EDRF1: variants seen among roughly 807,000 people sequenced by gnomAD.
EDRF1 encodes the protein erythroid differentiation regulatory factor 1, also known as erythroid differentiation-related factor 1.
A neutral mutation model predicts 148.7 loss-of-function variants in EDRF1; 69 were observed. That is an observed-to-expected ratio of 0.46 (90% CI 0.38 to 0.57). The LOEUF is 0.57. Ranked by LOEUF, EDRF1 falls within the 20% of genes least tolerant of loss-of-function variation. The pLI is 0.00. For missense variants in EDRF1, 1,118 were observed against 1,478.7 expected (o/e 0.76, Z 4.00); for synonymous variants, 515 against 532.8 (o/e 0.97, Z 0.46).
At chr10:125,740,121 C>T (rs570679491) in intron 15 of EDRF1, among the ~76,000 whole-genome samples, 10 of 152,266 alleles carry the variant, frequency 6.6e-5, no homozygotes, top group African/African-American at 2.2e-4. Flanking sequence ...CAGGCTTTCA[C>T]GCTGATCTAA....
In EDRF1 at chr10:125,747,692, C is replaced by T; in HGVS notation, c.2971C>T (p.Gln991Ter). The change falls in exon 20 of 25, where the codon CAG becomes TAG. Residue 991 changes from glutamine (Q) to a stop codon, truncating the protein, a stop_gained and splice_region_variant. Coordinates refer to ENST00000356792, the MANE Select transcript of EDRF1 (RefSeq NM_001202438.2). LOFTEE classifies it high-confidence loss of function. ...YAPLSRKAQEQIEKEVSEAMM... is the reference protein window; with the variant it reads ...YAPLSRKAQE ...TCCGTTATCTAGAAAAGCTCAGGAG[C>T]AGGTGATAATATTTGCTGGAGTATA... 6.2e-7 allele frequency: 1 copy of T among 1,614,160 alleles called. No individual in the cohort carries two copies. The highest frequency in any genetic ancestry group is 8.5e-7 in the Non-Finnish European group (1 of 1,180,012).
intron 6 of EDRF1, among the ~76,000 whole-genome samples, chr10:125,728,378 A>G (rs1848357499): frequency 6.6e-6 from 1 of 152,174 alleles, no homozygotes; most frequent in East Asian, 1.9e-4. Context: ...AGTACCTGGT[A>G]AACGTCATCT....
intron 24 of EDRF1, among the ~76,000 whole-genome samples, chr10:125,762,934 G>A (rs2133774901): frequency 6.6e-6 from 1 of 152,092 alleles, no homozygotes; most frequent in East Asian, 1.9e-4. Context: ...GTTTACTATG[G>A]TTTCCCCCAG....
At chr10:125,745,363 T>C in intron 18 of EDRF1, 1 of 318,880 alleles carries the variant, frequency 3.1e-6, no homozygotes, top group Non-Finnish European at 6.0e-6. Flanking sequence ...TCTCTGTGCA[T>C]AGCCCTGGAG....
At position 125,724,033 on chromosome 10, in the gene EDRF1, TTGAG is replaced by T; in HGVS notation, c.510+99_510+102del. On this transcript the variant is annotated intron_variant, in intron 4 of 24. Coordinates refer to ENST00000356792, the MANE Select transcript of EDRF1 (RefSeq NM_001202438.2). ...GAGAATGGCCAAAGTGGAAATGTAG[TTGAG>T]TACTTCAACAATCGAGAAATTGAAA... 3 of 1,399,268 alleles carry T rather than the reference TTGAG, an allele frequency of 2.1e-6. No homozygotes were observed. The South Asian group carries it at 3.6e-5, about 17-fold the overall frequency. 86.7% of individuals were successfully genotyped at this position (1,399,268 alleles called of 1,614,324 possible). A position where few individuals can be genotyped will look rare whatever the true frequency, so the allele number is the denominator to read the frequency against.
intron 6 of EDRF1, among the ~76,000 whole-genome samples, chr10:125,727,525 C>A (rs1376557263): frequency 1.3e-5 from 2 of 152,194 alleles, no homozygotes; most frequent in Admixed American, 6.5e-5. Context: ...AACTGCCTGG[C>A]AAACTGTTTT....
chr10:125,738,516 T>TA (rs2133710940), intron 15 of EDRF1, 71 bp downstream of exon 15: 1 of 1,575,398 alleles, frequency 6.3e-7, no homozygotes, highest in East Asian at 2.2e-5. Context: ...ACAGCAGACT[T>TA]ATGTCAATTA....
intron 13 of EDRF1, among the ~76,000 whole-genome samples, chr10:125,736,266 A>G (rs1848725791): frequency 6.6e-6 from 1 of 152,160 alleles, no homozygotes; most frequent in African/African-American, 2.4e-5. Context: ...AACATAGAGT[A>G]GAGAAGGGGG....
intron 19 of EDRF1, chr10:125,747,326 C>A: frequency 1.7e-6 from 1 of 603,964 alleles, no homozygotes. Flanking sequence ...GATGGGAACA[C>A]AGAGTGGTCT....
chr10:125,758,965 C>T (rs1389125917), intron 24 of EDRF1, among the ~76,000 whole-genome samples: 1 of 152,108 alleles, frequency 6.6e-6, no homozygotes, highest in Non-Finnish European at 1.5e-5. Flanking sequence ...AACCAACGCC[C>T]TAAGGTTGGC....
At chr10:125,758,313 T>C (rs1850016773) in intron 24 of EDRF1, among the ~76,000 whole-genome samples, 1 of 152,352 alleles carries the variant, frequency 6.6e-6, no homozygotes, top group Non-Finnish European at 1.5e-5. Context: ...ATGAGATAGT[T>C]CCAACATCTG....
At position 125,719,714 on chromosome 10, in the gene EDRF1, G is replaced by C; in HGVS notation, c.-94G>C. The C allele has an allele frequency of 6.6e-6, 6 of 908,762 alleles. No homozygotes were observed. The highest frequency in any genetic ancestry group is 9.9e-6 in the Non-Finnish European group (6 of 608,212). The allele number at this position is 908,762 out of a possible 1,614,324, so 56.3% of individuals were successfully genotyped here. On this transcript the variant is annotated 5_prime_UTR_variant, in exon 1 of 25. Transcript: ENST00000356792. ...CTGGCAGAGACCGGAAGTGCGGTCCGCGGAGCGTCTCTGGCGCTTACCCTG... is the reference window on the plus strand; with the variant it reads ...CTGGCAGAGACCGGAAGTGCGGTCCCCGGAGCGTCTCTGGCGCTTACCCTG...
chr10:125,749,534 G>A lies in EDRF1; in HGVS notation c.3246G>A (p.Glu1082=). Residue 1082 remains glutamate, a synonymous_variant, in exon 22 of 25, where the codon GAG becomes GAA. Coordinates refer to ENST00000356792, the MANE Select transcript of EDRF1 (RefSeq NM_001202438.2). ...APCELLRVQL[E]RVAFAEFQMT... ...GCGAACTGCTTAGAGTACAGCTAGA[G>A]AGAGTAGCATTTGCTGAATTTCAGA... The A allele has an allele frequency of 6.2e-7, 1 of 1,614,186 alleles. No homozygotes were observed. Among genetic ancestry groups the A allele is most frequent in the Non-Finnish European group, 8.5e-7 (1 of 1,180,038 alleles).
At chr10:125,723,583 A>G (rs900887432) in intron 3 of EDRF1, among the ~76,000 whole-genome samples, 5 of 152,178 alleles carry the variant, frequency 3.3e-5, no homozygotes, top group African/African-American at 4.8e-5. Context: ...GTAAAAATAA[A>G]TGTTTGACTG....
At chr10:125,724,772 T>A (rs979168962) in intron 4 of EDRF1, among the ~76,000 whole-genome samples, 6 of 152,246 alleles carry the variant, frequency 3.9e-5, no homozygotes, top group Non-Finnish European at 8.8e-5. Flanking sequence ...CTACCCTCCA[T>A]ATCTGTACTT....
intron 9 of EDRF1, among the ~76,000 whole-genome samples, chr10:125,732,097 G>A (rs1434973530): frequency 6.6e-6 from 1 of 152,194 alleles, no homozygotes; most frequent in Non-Finnish European, 1.5e-5. Context: ...GGCCCCCAGT[G>A]TTCTAGTATC....
At position 125,733,621 on chromosome 10, in the gene EDRF1, G is replaced by A. The variant is rs545490290; in HGVS notation, c.1277-14G>A. Reference sequence around the variant, plus strand: ...AACTGCTGTGAAATGAGTCTTCTTTGTTTTTCTTTTCAGCAAGTGGCAGCG... The same window carrying A: ...AACTGCTGTGAAATGAGTCTTCTTTATTTTTCTTTTCAGCAAGTGGCAGCG... On this transcript the variant is annotated splice_polypyrimidine_tract_variant and intron_variant, in intron 10 of 24. Transcript: ENST00000356792. 1.9e-6 allele frequency: 3 copies of A among 1,612,884 alleles called. No homozygotes were observed. The highest frequency in any genetic ancestry group is 2.7e-5 in the African/African-American group (2 of 74,984).
rs1171126131 is a variant in EDRF1 at position 125,725,854 on chromosome 10, C to G, written c.792+16C>G. ...TTCCAGTCAGGTTAGTACTTAAATG[C>G]TAATTCTAGAAACTCACATAGGAAA... On this transcript the variant is annotated intron_variant, in intron 6 of 24. Transcript: ENST00000356792. The G allele has an allele frequency of 6.2e-7, 1 of 1,610,194 alleles. No individual in the cohort carries two copies. Among genetic ancestry groups the G allele is most frequent in the South Asian group, 1.1e-5 (1 of 91,038 alleles).
chr10:125,723,199 CTG>C, intron 3 of EDRF1, 65 bp downstream of exon 3: 1 of 1,358,076 alleles, frequency 7.4e-7, no homozygotes, highest in Non-Finnish European at 1.1e-6. Flanking sequence ...TTATATCATG[CTG>C]TGTTTTGCAT....
Sources: allele counts gnomAD v4.1 joint callset (sites outside exome capture counted in the v4.1 genomes callset), GRCh38; gene constraint gnomAD v4.1.1; transcripts MANE v1.5; gene names NCBI Gene and HGNC (gene_info 2026-07-23, HGNC 2026-07-21).